Variants in FOXP1 observed in about 807,000 individuals in gnomAD.
The protein encoded by FOXP1 is forkhead box protein P1.
FOXP1 carries 15 observed loss-of-function variants against 98.2 expected under a neutral mutation model. That is an observed-to-expected ratio of 0.15 (90% CI 0.10 to 0.24). The LOEUF is 0.24. Among genes scored for constraint, FOXP1 ranks in the 10% least tolerant of loss-of-function variants. The pLI, the probability that FOXP1 is intolerant of heterozygous loss-of-function variation, is 1.00. For missense variants in FOXP1, 633 were observed against 848.5 expected (o/e 0.75, Z 3.15); for synonymous variants, 371 against 314.5 (o/e 1.18, Z -1.90).
chr3:71,347,646 G>A (rs1168681803), intron 4 of FOXP1, among the ~76,000 whole-genome samples: 1 of 152,140 alleles, frequency 6.6e-6, no homozygotes. Context: ...AGCACTTTGG[G>A]AAGCCGAGGT....
chr3:71,583,953 TC>T, upstream of FOXP1: 4 of 968,850 alleles, frequency 4.1e-6, no homozygotes, highest in Non-Finnish European at 4.9e-6. Flanking sequence ...AGCGGCTCCC[TC>T]TTTGCCGTTC....
intron 3 of FOXP1, among the ~76,000 whole-genome samples, chr3:71,389,422 G>C (rs2080871386): frequency 6.6e-6 from 1 of 152,042 alleles, no homozygotes; most frequent in Admixed American, 6.6e-5. Flanking sequence ...TGACTGCTTT[G>C]CTTTTATAAG....
chr3:70,968,541 C>T (rs943954068), intron 19 of FOXP1: 1 of 152,120 alleles, frequency 6.6e-6, no homozygotes, highest in Non-Finnish European at 1.5e-5. Context: ...ACCCTCGCTC[C>T]TGGAACATTA....
chr3:70,982,811 G>A (rs1389366329), intron 14 of FOXP1, among the ~76,000 whole-genome samples: 3 of 151,816 alleles, frequency 2.0e-5, no homozygotes, highest in African/African-American at 7.3e-5. Context: ...ACCCCTGACA[G>A]AAACAGACTT....
chr3:71,517,617 TC>T (rs2042677674), intron 2 of FOXP1, among the ~76,000 whole-genome samples: 1 of 152,210 alleles, frequency 6.6e-6, no homozygotes, highest in South Asian at 2.1e-4. Flanking sequence ...TGGTATCACT[TC>T]TTTCTCCTTT....
At chr3:71,185,491 A>G (rs2062591695) in intron 6 of FOXP1, among the ~76,000 whole-genome samples, 1 of 152,228 alleles carries the variant, frequency 6.6e-6, no homozygotes, top group South Asian at 2.1e-4. Context: ...AATTCAATAT[A>G]AACGTTTGTG....
At chr3:70,972,777 C>A in intron 17 of FOXP1, 101 bp from the exon 18 acceptor site, 2 of 1,221,098 alleles carry the variant, frequency 1.6e-6, no homozygotes, top group East Asian at 2.5e-5. Context: ...GTAAAACCAT[C>A]CCCAAGAGCT....
intron 3 of FOXP1, among the ~76,000 whole-genome samples, chr3:71,365,853 T>A (rs936222324): frequency 6.6e-6 from 1 of 152,054 alleles, no homozygotes; most frequent in African/African-American, 2.4e-5. Flanking sequence ...CGTGGTGGCG[T>A]GTGCCTCTAG....
chr3:71,094,278 C>CTTTTTTTTTTTTTTTTTTT, intron 7 of FOXP1, among the ~76,000 whole-genome samples: 1 of 127,824 alleles, frequency 7.8e-6, no homozygotes, highest in Non-Finnish European at 1.7e-5. Flanking sequence ...TTTTTCTTTT[C>CTTTTTTTTTTTTTTTTTTT]TTTTTTTTTT....
intron 6 of FOXP1, among the ~76,000 whole-genome samples, chr3:71,180,130 T>A (rs1278437065): frequency 6.6e-6 from 1 of 152,028 alleles, no homozygotes; most frequent in Non-Finnish European, 1.5e-5. Context: ...CTACTTATAC[T>A]CAGAAATCGG....
chr3:71,219,296 T>C (rs1263742421), intron 5 of FOXP1, among the ~76,000 whole-genome samples: 2 of 152,206 alleles, frequency 1.3e-5, no homozygotes, highest in African/African-American at 4.8e-5. Flanking sequence ...CCTGGGTCTC[T>C]ATAAGGCCTA....
At chr3:71,115,991 T>A (rs1394870682) in intron 6 of FOXP1, among the ~76,000 whole-genome samples, 1 of 151,760 alleles carries the variant, frequency 6.6e-6, no homozygotes, top group African/African-American at 2.4e-5. Context: ...CCGCCTCAGC[T>A]TCCCAAAGTG....
chr3:71,566,863 C>T lies in FOXP1; in HGVS notation c.-298+14686G>A, dbSNP rs530345521. 3.5e-4 allele frequency among the ~76,000 whole-genome samples: 54 copies of T among 152,158 alleles called. 1 individual carries two copies. Among genetic ancestry groups the T allele is most frequent in the African/African-American group, 1.2e-3 (51 of 41,490 alleles). ...GAGAAGTGTCTCCTTGAGCCTGGGC[C>T]CTGGGTGCTCCTAATAATCTCATCA... On this transcript the variant is annotated intron_variant, in intron 2 of 20. Coordinates refer to ENST00000649528, the MANE Select transcript of FOXP1 (RefSeq NM_001349338.3).
rs192750070 is a variant in FOXP1 at position 71,014,771 on chromosome 3, G to A, written c.974+778C>T. 4.8e-3 allele frequency among the ~76,000 whole-genome samples: 728 copies of A among 152,222 alleles called. 4 individuals carry two copies. The highest frequency in any genetic ancestry group is 0.017 in the African/African-American group (709 of 41,522). ...GTCCATCAATGATAGACTGGATTAC[G>A]AAAATGTGGCACATATACACCATGG... On this transcript the variant is annotated intron_variant, in intron 12 of 20. Coordinates refer to ENST00000649528, the MANE Select transcript of FOXP1 (RefSeq NM_001349338.3).
At chr3:71,494,612 C>G (rs2091283082) in intron 2 of FOXP1, among the ~76,000 whole-genome samples, 1 of 152,208 alleles carries the variant, frequency 6.6e-6, no homozygotes, top group Non-Finnish European at 1.5e-5. Context: ...CTGCAGAAAT[C>G]TGTCCAGATG....
Position 71,077,087 on chromosome 3 carries a change from T to A in FOXP1, c.283-23314A>T, listed in dbSNP as rs3912112. On this transcript the variant is annotated intron_variant, in intron 7 of 20. Coordinates refer to ENST00000649528, the MANE Select transcript of FOXP1 (RefSeq NM_001349338.3). Reference sequence around the variant, plus strand: ...CACATCAGACATAGTTATCTTATTATACAATTAAGTAGAACAAAGCTTGAA... The same window carrying A: ...CACATCAGACATAGTTATCTTATTAAACAATTAAGTAGAACAAAGCTTGAA... Among the ~76,000 whole-genome samples the A allele has an allele frequency of 2.5e-3, 379 of 152,366 alleles. 3 individuals are homozygous for A. The highest frequency in any genetic ancestry group is 0.01 in the Middle Eastern group (3 of 294).
chr3:71,445,867 A>G (rs1190824362), intron 3 of FOXP1, among the ~76,000 whole-genome samples: 1 of 151,880 alleles, frequency 6.6e-6, no homozygotes, highest in Non-Finnish European at 1.5e-5. Context: ...TTGTATTTTT[A>G]GTAGAGATGG....
At chr3:71,244,110 C>G (rs1256903662) in intron 5 of FOXP1, among the ~76,000 whole-genome samples, 1 of 152,120 alleles carries the variant, frequency 6.6e-6, no homozygotes, top group Non-Finnish European at 1.5e-5. Context: ...GGAATCTTAG[C>G]TGCTGCCATA....
chr3:71,232,821 C>T (rs1410453140), intron 5 of FOXP1, among the ~76,000 whole-genome samples: 1 of 128,358 alleles, frequency 7.8e-6, no homozygotes, highest in African/African-American at 2.9e-5. Flanking sequence ...TCTCTTGAGC[C>T]CTGGCAATGG....
Sources: allele counts gnomAD v4.1 joint callset (sites outside exome capture counted in the v4.1 genomes callset), GRCh38; gene constraint gnomAD v4.1.1; transcripts MANE v1.5; gene names NCBI Gene and HGNC (gene_info 2026-07-23, HGNC 2026-07-21).